The following CSPP1 variants were observed in gnomAD, a reference collection of about 807,000 sequenced individuals.
CSPP1 encodes centrosome and spindle pole-associated protein 1.
In CSPP1, 126 loss-of-function variants were observed where a neutral mutation model predicts 164.4. The ratio of observed to expected loss-of-function variants is 0.77; its 90% CI spans 0.66 to 0.89. The LOEUF (loss-of-function observed/expected upper bound fraction) is 0.89, where lower values mean the gene tolerates loss of function less well. Ranked by LOEUF, CSPP1 falls within the 40% of genes least tolerant of loss-of-function variation. The pLI, the probability that CSPP1 is intolerant of heterozygous loss-of-function variation, is 0.00. For synonymous variants in CSPP1, 472 were observed against 476.7 expected (o/e 0.99, Z 0.13); for missense variants, 1,395 against 1,449.8 (o/e 0.96, Z 0.61).
intron 24 of CSPP1, among the ~76,000 whole-genome samples, chr8:67,168,600 T>C (rs1829934050): frequency 6.6e-6 from 1 of 152,222 alleles, no homozygotes; most frequent in Admixed American, 6.5e-5. Context: ...ATGTTACATT[T>C]ATCATCATTT....
intron 15 of CSPP1, among the ~76,000 whole-genome samples, chr8:67,129,576 AT>A (rs1820791311): frequency 6.6e-6 from 1 of 152,246 alleles, no homozygotes; most frequent in Non-Finnish European, 1.5e-5. Context: ...TTATAGCTGC[AT>A]TATTGATAAT....
At position 67,172,622 on chromosome 8, in the gene CSPP1, A is replaced by ATTAC; in HGVS notation, c.2968+67_2968+68insTTAC. The ATTAC allele has an allele frequency of 2.2e-6, 3 of 1,339,872 alleles. No homozygotes were observed. The African/African-American group carries it at 4.4e-5, about 20-fold the overall frequency. The allele number at this position is 1,339,872 out of a possible 1,614,324, so 83.0% of individuals were successfully genotyped here. A position where few individuals can be genotyped will look rare whatever the true frequency, so the allele number is the denominator to read the frequency against. On this transcript the variant is annotated intron_variant, in intron 25 of 30. Coordinates refer to ENST00000678616, the MANE Select transcript of CSPP1 (RefSeq NM_001382391.1). Reference sequence around the variant, plus strand: ...TCTACCCATATTTAAATATCTATAAAGATCTTTGTACCCTTTTTCTAAAGT... The same window carrying ATTAC: ...TCTACCCATATTTAAATATCTATAAATTACGATCTTTGTACCCTTTTTCTAAAGT...
chr8:67,118,844 A>AAT, intron 15 of CSPP1, 23 bp downstream of exon 15: 1 of 1,529,678 alleles, frequency 6.5e-7, no homozygotes, highest in Non-Finnish European at 9.1e-7. Flanking sequence ...TTAAAAGAAT[A>AAT]ATTTTTTCCC....
intron 22 of CSPP1, 151 bp downstream of exon 22, chr8:67,162,066 C>T (rs1371249278): frequency 2.0e-5 from 12 of 594,196 alleles, no homozygotes; most frequent in Non-Finnish European, 3.6e-5. Context: ...CCTGCTGCTT[C>T]GATTGTAACT....
chr8:67,135,747 C>T (rs926439720), intron 16 of CSPP1: 2 of 152,146 alleles, frequency 1.3e-5, no homozygotes, highest in Admixed American at 1.3e-4. Flanking sequence ...AAGAATTTTT[C>T]CTGTGCATTT....
chr8:67,106,000 T>C (rs979908841), intron 9 of CSPP1, 25 bp downstream of exon 9: 15 of 1,233,424 alleles, frequency 1.2e-5, no homozygotes, highest in Non-Finnish European at 1.8e-5. Context: ...TCCAACTAGT[T>C]GCGCTTGTAT....
At chr8:67,144,777 C>T (rs1203786440) in intron 17 of CSPP1, among the ~76,000 whole-genome samples, 1 of 151,966 alleles carries the variant, frequency 6.6e-6, no homozygotes, top group East Asian at 1.9e-4. Context: ...GTTTAGAATT[C>T]ACCAGTGAAG....
chr8:67,159,854 TTCTTTC>T (rs1827499221), intron 21 of CSPP1, among the ~76,000 whole-genome samples: 1 of 19,760 alleles, frequency 5.1e-5, no homozygotes, highest in Non-Finnish European at 8.5e-5. Context: ...TTCTTTCTTT[TTCTTTC>T]TTTCTTTCTT....
Position 67,190,759 on chromosome 8 carries a change from T to C in CSPP1, c.3330T>C (p.Ile1110=), listed in dbSNP as rs1381989048. ...RRRNKWKGLD[I]DSSRPNVAPD... Reference sequence around the variant, plus strand: ...GGAACAAATGGAAAGGACTAGACATTGTATGTATGAGACTTTTCTCCCCCT... The same window carrying C: ...GGAACAAATGGAAAGGACTAGACATCGTATGTATGAGACTTTTCTCCCCCT... Residue 1110 remains isoleucine, a splice_region_variant and synonymous_variant, in exon 29 of 31, where the codon ATT becomes ATC. Coordinates refer to ENST00000678616, the MANE Select transcript of CSPP1 (RefSeq NM_001382391.1). 8 of 1,597,962 alleles carry C rather than the reference T, an allele frequency of 5.0e-6. No individual in the cohort carries two copies. In the South Asian group the frequency reaches 8.8e-5, roughly 18 times the overall value.
chr8:67,150,395 A>G (rs1318526309), intron 18 of CSPP1, among the ~76,000 whole-genome samples: 2 of 152,048 alleles, frequency 1.3e-5, no homozygotes, highest in African/African-American at 2.4e-5. Flanking sequence ...GTACAAAGAA[A>G]TGAAGCAATG....
At chr8:67,140,794 C>T (rs1458525050) in intron 17 of CSPP1, among the ~76,000 whole-genome samples, 1 of 152,188 alleles carries the variant, frequency 6.6e-6, no homozygotes, top group African/African-American at 2.4e-5. Flanking sequence ...AGAAGTGACT[C>T]AGGGATCCAT....
At chr8:67,072,109 CG>C (rs1563480591) in intron 1 of CSPP1, among the ~76,000 whole-genome samples, 1 of 151,878 alleles carries the variant, frequency 6.6e-6, no homozygotes, top group Non-Finnish European at 1.5e-5. Context: ...CTGGCTAACA[CG>C]GTGAAATCCC....
chr8:67,126,169 A>G (rs867420081), intron 15 of CSPP1, among the ~76,000 whole-genome samples: 44 of 152,282 alleles, frequency 2.9e-4, no homozygotes, highest in African/African-American at 9.6e-4. Context: ...TAGTTCTTTC[A>G]ACATATTTCT....
intron 1 of CSPP1, chr8:67,065,633 T>C (rs1396106881): frequency 4.6e-6 from 2 of 430,292 alleles, no homozygotes; most frequent in Admixed American, 1.3e-4. Context: ...GATCAAGTTT[T>C]TTTGTTTGTT....
In CSPP1 at chr8:67,169,378, T is replaced by C. The variant is rs1402013369; in HGVS notation, c.2829-3038T>C. On this transcript the variant is annotated intron_variant, in intron 24 of 30. Coordinates refer to ENST00000678616, the MANE Select transcript of CSPP1 (RefSeq NM_001382391.1). ...TTATCAAGTTCCTTGTAAAGTCCAT[T>C]GTAAAGTTAATGTTGGGTCCTCTGA... is the stretch of plus-strand genomic sequence containing the variant. Among the ~76,000 whole-genome samples the C allele has an allele frequency of 1.3e-5, 2 of 152,206 alleles. 1 individual carries two copies. The highest frequency in any genetic ancestry group is 1.3e-4 in the Admixed American group (2 of 15,282).
At chr8:67,102,694 C>T (rs1814396339) in intron 7 of CSPP1, among the ~76,000 whole-genome samples, 1 of 152,170 alleles carries the variant, frequency 6.6e-6, no homozygotes, top group Admixed American at 6.5e-5. Flanking sequence ...TTTGTGAGTG[C>T]AGGGACTGTG....
At chr8:67,162,778 G>A (rs568833425) in intron 22 of CSPP1, among the ~76,000 whole-genome samples, 1 of 152,296 alleles carries the variant, frequency 6.6e-6, no homozygotes, top group African/African-American at 2.4e-5. Flanking sequence ...ACAGCTTTAT[G>A]ATACATTTAA....
intron 5 of CSPP1, among the ~76,000 whole-genome samples, chr8:67,092,706 G>T (rs180675724): frequency 1.3e-5 from 2 of 152,288 alleles, no homozygotes; most frequent in Admixed American, 1.3e-4. Context: ...GCCTCCCAAA[G>T]TACTGGCATT....
intron 24 of CSPP1, among the ~76,000 whole-genome samples, chr8:67,170,490 C>T (rs750322088): frequency 1.6e-4 from 25 of 151,918 alleles, no homozygotes; most frequent in Middle Eastern, 3.4e-3. Context: ...TGTTGTTCAC[C>T]GTAAGACTAT....
Sources: allele counts gnomAD v4.1 joint callset (sites outside exome capture counted in the v4.1 genomes callset), GRCh38; gene constraint gnomAD v4.1.1; transcripts MANE v1.5; gene names NCBI Gene and HGNC (gene_info 2026-07-23, HGNC 2026-07-21).